STK32B: variants seen among roughly 807,000 people sequenced by gnomAD.
STK32B encodes serine/threonine kinase 32B, also known as serine/threonine-protein kinase 32B.
A neutral mutation model predicts 52.6 loss-of-function variants in STK32B; 43 were observed. The ratio of observed to expected loss-of-function variants is 0.82; its 90% CI spans 0.64 to 1.05. The LOEUF is 1.05. STK32B is among the 50% of genes least tolerant of loss of function. STK32B has a pLI of 0.00. For synonymous variants in STK32B, 238 were observed against 204.3 expected, an observed-to-expected ratio of 1.17 and a Z score of -1.41; for missense variants, 621 against 534.6, an observed-to-expected ratio of 1.16 and a Z score of -1.59.
At chr4:5,440,823 G>T (rs1714666961) in intron 6 of STK32B, among the ~76,000 whole-genome samples, 1 of 151,974 alleles carries the variant, frequency 6.6e-6, no homozygotes, top group Non-Finnish European at 1.5e-5. Flanking sequence ...AAGGGTTGTT[G>T]AATTTTGTCA....
At chr4:5,346,383 A>G (rs1252274094) in intron 4 of STK32B, among the ~76,000 whole-genome samples, 1 of 152,216 alleles carries the variant, frequency 6.6e-6, no homozygotes, top group Non-Finnish European at 1.5e-5. Flanking sequence ...GGCCTTGGGC[A>G]GTATCCCACC....
intron 3 of STK32B, among the ~76,000 whole-genome samples, chr4:5,220,859 C>A (rs1452634971): frequency 1.3e-5 from 2 of 152,118 alleles, no homozygotes; most frequent in Admixed American, 6.5e-5. Flanking sequence ...TGAGGAGAAT[C>A]ATTTTCTCCC....
At chr4:5,309,563 T>C (rs1730155533) in intron 3 of STK32B, among the ~76,000 whole-genome samples, 1 of 152,064 alleles carries the variant, frequency 6.6e-6, no homozygotes, top group African/African-American at 2.4e-5. Flanking sequence ...GAATAGAGAA[T>C]CTAGAAATAA....
chr4:5,128,954 C>T (rs1715581160), intron 1 of STK32B, among the ~76,000 whole-genome samples: 1 of 152,200 alleles, frequency 6.6e-6, no homozygotes, highest in African/African-American at 2.4e-5. Context: ...AAAGGACATA[C>T]ACGTAGTTTC....
At chr4:5,041,850 T>C in the STK32B span, among the ~76,000 whole-genome samples, 2 of 151,812 alleles carry the variant, frequency 1.3e-5, no homozygotes, top group African/African-American at 4.8e-5. Context: ...ACAGAACATA[T>C]TGAAATTGAG....
chr4:5,273,750 C>G (rs916834069), intron 3 of STK32B, among the ~76,000 whole-genome samples: 1 of 134,504 alleles, frequency 7.4e-6, no homozygotes, highest in African/African-American at 2.9e-5. Context: ...GAACAAAAAA[C>G]CAAACACCAC....
chr4:5,370,996 G>GTATA (rs1553879921), intron 4 of STK32B, among the ~76,000 whole-genome samples: 54 of 141,124 alleles, frequency 3.8e-4, no homozygotes, highest in Admixed American at 1.5e-3. Flanking sequence ...GTGTGTGTGT[G>GTATA]TATATATATA....
At chr4:5,483,938 C>G (rs529575814) in intron 11 of STK32B, among the ~76,000 whole-genome samples, 1 of 152,266 alleles carries the variant, frequency 6.6e-6, no homozygotes, top group Non-Finnish European at 1.5e-5. Flanking sequence ...TTTGATTGCA[C>G]TGTGGTCTGA....
intron 1 of STK32B, among the ~76,000 whole-genome samples, chr4:5,096,434 A>G (rs1360627160): frequency 1.3e-5 from 2 of 152,198 alleles, no homozygotes; most frequent in African/African-American, 4.8e-5. Flanking sequence ...GAGCCAAGGA[A>G]ATTGATCTCC....
intron 4 of STK32B, among the ~76,000 whole-genome samples, chr4:5,349,894 C>T (rs1185681985): frequency 1.3e-5 from 2 of 151,980 alleles, no homozygotes; most frequent in Non-Finnish European, 2.9e-5. Context: ...GGGGAAAGAA[C>T]TTGAAGACAG....
chr4:5,410,563 C>T (rs1711581483), intron 5 of STK32B, among the ~76,000 whole-genome samples: 1 of 152,154 alleles, frequency 6.6e-6, no homozygotes. Context: ...CCCCTACAAG[C>T]AGACGTCCTC....
intron 1 of STK32B, among the ~76,000 whole-genome samples, chr4:5,057,317 G>T (rs16836581): frequency 6.6e-6 from 1 of 152,082 alleles, no homozygotes; most frequent in South Asian, 2.1e-4. Flanking sequence ...CAGAGAACTG[G>T]TTTTTCAGCG....
At chr4:5,108,993 G>C (rs530991504) in intron 1 of STK32B, among the ~76,000 whole-genome samples, 6 of 152,296 alleles carry the variant, frequency 3.9e-5, no homozygotes, top group African/African-American at 1.4e-4. Flanking sequence ...GCTGCACTCT[G>C]TTACTGACCT....
intron 11 of STK32B, among the ~76,000 whole-genome samples, chr4:5,488,981 T>G (rs1315736439): frequency 6.6e-6 from 1 of 152,124 alleles, no homozygotes; most frequent in Non-Finnish European, 1.5e-5. Flanking sequence ...TATATGTTAA[T>G]TAAAATTTTT....
Position 5,469,879 on chromosome 4 carries a change from C to G in STK32B, c.1106+1809C>G, listed in dbSNP as rs145881657. On this transcript the variant is annotated intron_variant, in intron 11 of 11. Coordinates refer to ENST00000282908, the MANE Select transcript of STK32B (RefSeq NM_018401.3). This position sits in a 1 kb window ranked among gnomAD's most constrained non-coding sequence, Gnocchi z 4.7. ...CTGTGGTCCTGCCTGCTCTGAGGCT[C>G]ATGGCCCTTCCCCCAGACTTAGAAA... Among the ~76,000 whole-genome samples the G allele has an allele frequency of 2.9e-3, 438 of 152,304 alleles. No homozygotes were observed. The highest frequency in any genetic ancestry group is 0.01 in the African/African-American group (417 of 41,568).
intron 1 of STK32B, among the ~76,000 whole-genome samples, chr4:5,106,325 G>A (rs942981861): frequency 2.0e-5 from 3 of 152,086 alleles, no homozygotes; most frequent in African/African-American, 7.2e-5. Flanking sequence ...CTTTTTAATC[G>A]TAGAGGACAT....
At chr4:5,097,849 C>T (rs1391263298) in intron 1 of STK32B, among the ~76,000 whole-genome samples, 1 of 152,182 alleles carries the variant, frequency 6.6e-6, no homozygotes, top group African/African-American at 2.4e-5. Context: ...AAACAATAAC[C>T]TTTTAACATT....
chr4:5,480,854 T>C (rs1257957810), intron 11 of STK32B, among the ~76,000 whole-genome samples: 3 of 152,130 alleles, frequency 2.0e-5, no homozygotes, highest in Non-Finnish European at 4.4e-5. Flanking sequence ...GTCCTTGCGA[T>C]AGTTTGCTGA....
chr4:5,432,751 A>C (rs1239789796), intron 6 of STK32B, among the ~76,000 whole-genome samples: 1 of 151,896 alleles, frequency 6.6e-6, no homozygotes, highest in Non-Finnish European at 1.5e-5. Flanking sequence ...AGTAAATAGC[A>C]AACTTGGAAT....
Sources: gnomAD v4.1 joint callset for allele counts (sites outside exome capture counted in the v4.1 genomes callset) on GRCh38, gnomAD v4.1.1 for gene constraint, Gnocchi (gnomAD v3.1) non-coding constraint, MANE v1.5 for transcripts, NCBI Gene and HGNC (gene_info 2026-07-23, HGNC 2026-07-21) for gene names.